The following LHCGR variants were observed in gnomAD, a reference collection of about 807,000 sequenced individuals.
LHCGR encodes the protein lutropin-choriogonadotropic hormone receptor.
Under a neutral mutation model 60.7 loss-of-function variants are expected in LHCGR, and 55 were observed. The observed-to-expected ratio is 0.91, with a 90% CI of 0.73 to 1.13. The LOEUF (loss-of-function observed/expected upper bound fraction) is 1.13, where lower values mean the gene tolerates loss of function less well. Ranked by LOEUF, LHCGR falls within the 50% of genes most tolerant of loss-of-function variation. The pLI, the probability that LHCGR is intolerant of heterozygous loss-of-function variation, is 0.00. For missense variants in LHCGR, 862 were observed against 836.0 expected (o/e 1.03, Z -0.38); for synonymous variants, 337 against 316.5 (o/e 1.06, Z -0.69).
At chr2:48,731,077 T>A (rs1360276223) in intron 2 of LHCGR, 150 bp downstream of exon 2, 1 of 602,686 alleles carries the variant, frequency 1.7e-6, no homozygotes, top group African/African-American at 1.9e-5. Context: ...GGTCTCTAGT[T>A]ATTATTTGTA....
chr2:48,749,615 T>G (rs1669862956), intron 1 of LHCGR, among the ~76,000 whole-genome samples: 1 of 151,694 alleles, frequency 6.6e-6, no homozygotes, highest in African/African-American at 2.4e-5. Context: ...TTGCCTCATT[T>G]CAAGACATGA....
chr2:48,735,679 C>A (rs1669179478), intron 1 of LHCGR, among the ~76,000 whole-genome samples: 1 of 152,188 alleles, frequency 6.6e-6, no homozygotes, highest in African/African-American at 2.4e-5. Context: ...AGTTGGGTTA[C>A]TTTCTGTAGT....
intron 1 of LHCGR, among the ~76,000 whole-genome samples, chr2:48,749,696 A>C (rs1192485939): frequency 6.6e-6 from 1 of 151,200 alleles, no homozygotes; most frequent in Non-Finnish European, 1.5e-5. Context: ...GCCCTGAATT[A>C]ATCTGATTTA....
chr2:48,707,498 G>T (rs1251987205), intron 8 of LHCGR, among the ~76,000 whole-genome samples: 1 of 152,248 alleles, frequency 6.6e-6, no homozygotes, highest in Non-Finnish European at 1.5e-5. Context: ...GCCCACAGCT[G>T]CCCCTTCCCC....
chr2:48,715,628 A>G (rs1668212530), intron 6 of LHCGR, among the ~76,000 whole-genome samples: 1 of 152,152 alleles, frequency 6.6e-6, no homozygotes, highest in Non-Finnish European at 1.5e-5. Context: ...CAAAATGAGC[A>G]TGGAGCTTCA....
intron 10 of LHCGR, among the ~76,000 whole-genome samples, chr2:48,691,355 T>C (rs1192542225): frequency 6.6e-6 from 1 of 152,200 alleles, no homozygotes; most frequent in Non-Finnish European, 1.5e-5. Flanking sequence ...AGTTTGGAAC[T>C]AGAGAAGGGC....
intron 1 of LHCGR, chr2:48,733,026 G>A (rs990444247): frequency 9.6e-6 from 5 of 523,414 alleles, no homozygotes; most frequent in East Asian, 1.1e-4. Context: ...AATCATGTTC[G>A]CTTGGCTTCC....
intron 1 of LHCGR, among the ~76,000 whole-genome samples, chr2:48,735,790 C>T (rs1669183991): frequency 6.6e-6 from 1 of 152,174 alleles, no homozygotes; most frequent in Admixed American, 6.5e-5. Flanking sequence ...AGCTGAGTTG[C>T]TCTCCTAGAA....
chr2:48,694,046 T>C (rs1476099913), intron 10 of LHCGR, among the ~76,000 whole-genome samples, 178 bp downstream of exon 10: 2 of 152,312 alleles, frequency 1.3e-5, no homozygotes, highest in East Asian at 3.9e-4. Context: ...TTGAAAGACA[T>C]ACCTGATCAA....
intron 1 of LHCGR, chr2:48,733,129 C>T: frequency 2.8e-6 from 1 of 358,002 alleles, no homozygotes; most frequent in East Asian, 7.5e-5. Flanking sequence ...CTTGCAGCAT[C>T]AATAAAACTG....
At chr2:48,723,816 T>G in intron 4 of LHCGR, 120 bp from the exon 5 acceptor site, 1 of 765,138 alleles carries the variant, frequency 1.3e-6, no homozygotes, top group South Asian at 1.5e-5. Flanking sequence ...CACATTAAAT[T>G]TAAAAATATT....
At chr2:48,752,169 A>G (rs139994077) in intron 1 of LHCGR, among the ~76,000 whole-genome samples, 1 of 152,346 alleles carries the variant, frequency 6.6e-6, no homozygotes, top group Non-Finnish European at 1.5e-5. Context: ...TTTTCATAAA[A>G]TATGAAAGGG....
In LHCGR at chr2:48,725,718, A is replaced by G; in HGVS notation, c.341T>C (p.Ile114Thr). ...AAGATTTATAAATGCTCCGGGCTCA[A>G]TGTATCTCAGATTTTTGGTGTTCTG... ...LIQNTKNLRY[I>T]EPGAFINLPR... The change falls in exon 4 of 11, where the codon ATT (isoleucine) becomes ACT (threonine). Residue 114 changes from isoleucine (I) to threonine (T), a missense_variant. Physicochemically the swap from Ile to Thr is moderately conservative, Grantham distance 89 (BLOSUM62 -1). Transcript: ENST00000294954. 1.9e-6 allele frequency: 3 copies of G among 1,613,668 alleles called. No individual in the cohort carries two copies. The highest frequency in any genetic ancestry group is 2.5e-6 in the Non-Finnish European group (3 of 1,179,678).
chr2:48,688,276 A>G lies in LHCGR; in HGVS notation c.1521T>C (p.Asn507=). The G allele has an allele frequency of 6.2e-7, 1 of 1,614,128 alleles. No individual in the cohort carries two copies. Among genetic ancestry groups the G allele is most frequent in the Non-Finnish European group, 8.5e-7 (1 of 1,179,986 alleles). ...IAMLPLVGVS[N]YMKVSICFPM... ...GGAAGCAAATACTGACCTTCATGTA[A>G]TTGCTGACACCGACAAGGGGCAACA... Residue 507 remains asparagine, a synonymous_variant, in exon 11 of 11, where the codon AAT becomes AAC. Transcript: ENST00000294954. This position sits in a 1 kb window ranked among gnomAD's most constrained non-coding sequence, Gnocchi z 5.2.
chr2:48,703,535 C>T (rs752761473), intron 8 of LHCGR, among the ~76,000 whole-genome samples: 1 of 151,740 alleles, frequency 6.6e-6, no homozygotes, highest in Non-Finnish European at 1.5e-5. Context: ...TGGGGAATGC[C>T]ATTTGTTTGT....
chr2:48,714,540 C>T (rs1037443767), intron 6 of LHCGR, among the ~76,000 whole-genome samples: 4 of 150,932 alleles, frequency 2.7e-5, no homozygotes, highest in African/African-American at 7.3e-5. Context: ...AGATTTGGCT[C>T]CACAACCAAG....
chr2:48,755,463 G>A (rs1231500653), intron 1 of LHCGR, 48 bp downstream of exon 1: 11 of 1,222,702 alleles, frequency 9.0e-6, no homozygotes, highest in Non-Finnish European at 1.3e-5. Flanking sequence ...ATAGAGCGAT[G>A]GAGGGTCCTG....
At chr2:48,694,956 G>A (rs995270977) in intron 9 of LHCGR, among the ~76,000 whole-genome samples, 7 of 152,026 alleles carry the variant, frequency 4.6e-5, no homozygotes, top group Non-Finnish European at 1.0e-4. Context: ...TAGGGTATAA[G>A]CATTCCCTTT....
At chr2:48,753,516 A>T (rs1670071447) in intron 1 of LHCGR, among the ~76,000 whole-genome samples, 1 of 152,150 alleles carries the variant, frequency 6.6e-6, no homozygotes, top group African/African-American at 2.4e-5. Flanking sequence ...CTGGTGGTGG[A>T]TGCTCAGGGT....
Sources: gnomAD v4.1 joint callset for allele counts (sites outside exome capture counted in the v4.1 genomes callset) on GRCh38, gnomAD v4.1.1 for gene constraint, Gnocchi (gnomAD v3.1) non-coding constraint, MANE v1.5 for transcripts, NCBI Gene and HGNC (gene_info 2026-07-23, HGNC 2026-07-21) for gene names.